ANKS1B: variants seen among roughly 807,000 people sequenced by gnomAD.
ANKS1B encodes the protein ankyrin repeat and sterile alpha motif domain-containing protein 1B.
Under a neutral mutation model 148.3 loss-of-function variants are expected in ANKS1B, and 36 were observed. The ratio of observed to expected loss-of-function variants is 0.24; its 90% CI spans 0.19 to 0.32. The LOEUF is 0.32. ANKS1B is among the 10% of genes least tolerant of loss of function. ANKS1B has a pLI of 1.00. For missense variants in ANKS1B, 1,157 were observed against 1,542.6 expected, an observed-to-expected ratio of 0.75 and a Z score of 4.19; for synonymous variants, 542 against 560.8, an observed-to-expected ratio of 0.97 and a Z score of 0.47.
At chr12:99,946,230 C>A (rs2095057836) in intron 1 of ANKS1B, among the ~76,000 whole-genome samples, 2 of 152,190 alleles carry the variant, frequency 1.3e-5, no homozygotes, top group African/African-American at 4.8e-5. Flanking sequence ...TCTCTGACAG[C>A]ATGCATTTTT....
At chr12:99,646,570 C>G (rs2098367759) in intron 9 of ANKS1B, among the ~76,000 whole-genome samples, 1 of 145,234 alleles carries the variant, frequency 6.9e-6, no homozygotes, top group African/African-American at 2.5e-5. Flanking sequence ...AGGAGAATCA[C>G]TTGAACCCAG....
chr12:99,950,113 A>ATT (rs35287842), intron 1 of ANKS1B, among the ~76,000 whole-genome samples: 2,107 of 90,512 alleles, frequency 0.023, 220 homozygotes, highest in African/African-American at 0.08. Context: ...TGCTCAGTTA[A>ATT]TTTTTTTTTT....
At chr12:99,852,355 G>GT (rs1251616056) in intron 1 of ANKS1B, among the ~76,000 whole-genome samples, 1 of 152,058 alleles carries the variant, frequency 6.6e-6, no homozygotes, top group Non-Finnish European at 1.5e-5. Context: ...AAACGTTAAG[G>GT]TATCTTAAGA....
intron 10 of ANKS1B, among the ~76,000 whole-genome samples, chr12:99,489,678 T>A (rs1417177721): frequency 6.6e-6 from 1 of 152,216 alleles, no homozygotes; most frequent in African/African-American, 2.4e-5. Context: ...TCCAGCATCC[T>A]CATAGATGCC....
At chr12:98,940,202 C>G (rs181379415) in intron 17 of ANKS1B, among the ~76,000 whole-genome samples, 1 of 152,280 alleles carries the variant, frequency 6.6e-6, no homozygotes, top group Admixed American at 6.5e-5. Flanking sequence ...CTCTCCTAAC[C>G]ACCTCTTTCT....
At chr12:99,230,262 C>T (rs1318722784) in intron 14 of ANKS1B, among the ~76,000 whole-genome samples, 1 of 152,014 alleles carries the variant, frequency 6.6e-6, no homozygotes, top group Non-Finnish European at 1.5e-5. Flanking sequence ...AATAAGTTTT[C>T]AACAACTTGA....
chr12:99,131,897 C>A (rs2066205907), intron 15 of ANKS1B, among the ~76,000 whole-genome samples: 1 of 152,178 alleles, frequency 6.6e-6, no homozygotes, highest in Non-Finnish European at 1.5e-5. Flanking sequence ...GGGCTGCTCT[C>A]CCCCTGCCTC....
chr12:99,733,310 A>G (rs1057261173), intron 8 of ANKS1B, among the ~76,000 whole-genome samples: 2 of 152,240 alleles, frequency 1.3e-5, no homozygotes, highest in East Asian at 3.8e-4. Context: ...AGGCTGGATC[A>G]AAGCGTGAAG....
intron 17 of ANKS1B, among the ~76,000 whole-genome samples, chr12:98,915,075 C>A (rs2099792355): frequency 1.3e-5 from 2 of 151,816 alleles, no homozygotes; most frequent in South Asian, 2.1e-4. Flanking sequence ...CCCCCCACCA[C>A]CCCCAGTAAG....
At chr12:99,095,778 T>C (rs1461213107) in intron 15 of ANKS1B, among the ~76,000 whole-genome samples, 2 of 152,162 alleles carry the variant, frequency 1.3e-5, no homozygotes, top group East Asian at 1.9e-4. Flanking sequence ...CTAGGAAGAA[T>C]GAAAGTTATC....
intron 1 of ANKS1B, among the ~76,000 whole-genome samples, chr12:99,849,068 G>A (rs1410737157): frequency 6.6e-6 from 1 of 151,924 alleles, no homozygotes; most frequent in Non-Finnish European, 1.5e-5. Context: ...TGAGACAAGG[G>A]TTGACAAACT....
At chr12:99,892,942 GA>G (rs1226385289) in intron 1 of ANKS1B, among the ~76,000 whole-genome samples, 6 of 152,162 alleles carry the variant, frequency 3.9e-5, no homozygotes, top group Non-Finnish European at 8.8e-5. Flanking sequence ...TGTCCAACAA[GA>G]AAGACTAAAA....
intron 17 of ANKS1B, among the ~76,000 whole-genome samples, chr12:98,923,785 C>T (rs984105224): frequency 3.9e-5 from 6 of 152,160 alleles, no homozygotes; most frequent in Admixed American, 1.3e-4. Context: ...AGTAGAGCCA[C>T]GTAGAATTAT....
chr12:98,934,159 T>C (rs1267794637), intron 17 of ANKS1B, among the ~76,000 whole-genome samples: 3 of 152,156 alleles, frequency 2.0e-5, no homozygotes, highest in Admixed American at 1.3e-4. Flanking sequence ...AAAATAATAA[T>C]ATTGAATTGA....
intron 1 of ANKS1B, among the ~76,000 whole-genome samples, chr12:99,826,049 ACT>A (rs758722381): frequency 2.6e-5 from 4 of 152,216 alleles, no homozygotes; most frequent in East Asian, 1.9e-4. Context: ...AATTAAGGAA[ACT>A]CTTTTTAACT....
intron 9 of ANKS1B, among the ~76,000 whole-genome samples, chr12:99,644,846 T>A (rs954592735): frequency 4.2e-4 from 64 of 152,284 alleles, no homozygotes; most frequent in African/African-American, 1.5e-3. Context: ...ATCCACTTCC[T>A]GTTTTTTCAG....
intron 14 of ANKS1B, among the ~76,000 whole-genome samples, chr12:99,235,711 A>T (rs2087774906): frequency 6.6e-6 from 1 of 152,140 alleles, no homozygotes; most frequent in South Asian, 2.1e-4. Flanking sequence ...TTGTTTCTTA[A>T]TTTTTCAGTT....
At chr12:99,506,648 A>C in intron 9 of ANKS1B, among the ~76,000 whole-genome samples, 1 of 152,124 alleles carries the variant, frequency 6.6e-6, no homozygotes, top group South Asian at 2.1e-4. Context: ...GGGGGGATGG[A>C]GAAAAGTTGA....
chr12:99,891,887 G>T (rs765711808), intron 1 of ANKS1B, among the ~76,000 whole-genome samples: 26 of 152,210 alleles, frequency 1.7e-4, no homozygotes, highest in Non-Finnish European at 1.5e-5. Flanking sequence ...ATAATCCAGA[G>T]GAGGTAGGGG....
Sources: allele counts gnomAD v4.1 joint callset (sites outside exome capture counted in the v4.1 genomes callset), GRCh38; gene constraint gnomAD v4.1.1; transcripts MANE v1.5; gene names NCBI Gene and HGNC (gene_info 2026-07-23, HGNC 2026-07-21).